Variants in CNGB1 observed in about 807,000 individuals in gnomAD.
CNGB1 encodes the protein cyclic nucleotide-gated channel beta-1.
Under a neutral mutation model 151.7 loss-of-function variants are expected in CNGB1, and 126 were observed. That is an observed-to-expected ratio of 0.83 (90% CI 0.72 to 0.96). CNGB1 has a LOEUF of 0.96. Among genes scored for constraint, CNGB1 ranks in the 40% least tolerant of loss-of-function variants. CNGB1 has a pLI of 0.00. For missense variants in CNGB1, 1,698 were observed against 1,627.0 expected (o/e 1.04, Z -0.75); for synonymous variants, 623 against 635.1 (o/e 0.98, Z 0.29).
Position 57,919,177 on chromosome 16 carries a change from A to G in CNGB1, c.1879T>C (p.Cys627Arg). 1 of 1,614,188 alleles carries G rather than the reference A, an allele frequency of 6.2e-7. No individual in the cohort carries two copies. Among genetic ancestry groups the G allele is most frequent in the Non-Finnish European group, 8.5e-7 (1 of 1,180,014 alleles). ...TTGAACTTGCAGCAGAGCATGTCGC[A>G]ATAGTGCTCCTCTTCCACTGGCTCG... ...EAEPVEEEHYCDMLCCKFKHR... is the reference protein window; with the variant it reads ...EAEPVEEEHYRDMLCCKFKHR... The change falls in exon 20 of 33, where the codon TGC (cysteine) becomes CGC (arginine). Residue 627 changes from cysteine (C) to arginine (R), a missense_variant. Cys to Arg is a radical substitution (Grantham distance 180). Coordinates refer to ENST00000251102, the MANE Select transcript of CNGB1 (RefSeq NM_001297.5).
chr16:57,904,363 G>A (rs1401717053), intron 26 of CNGB1, among the ~76,000 whole-genome samples: 1 of 152,106 alleles, frequency 6.6e-6, no homozygotes, highest in South Asian at 2.1e-4. Context: ...CTCGGGGCGG[G>A]GCCCTTCAAA....
chr16:57,946,492 C>A (rs1417747139), intron 14 of CNGB1: 1 of 152,256 alleles, frequency 6.6e-6, no homozygotes, highest in East Asian at 1.9e-4. Flanking sequence ...GGGAGCCCAG[C>A]TCCCGAGCCA....
intron 21 of CNGB1, 110 bp from the exon 22 acceptor site, chr16:57,916,289 GC>G: frequency 9.5e-7 from 1 of 1,054,630 alleles, no homozygotes; most frequent in Admixed American, 1.8e-5. Context: ...GAGCATAACA[GC>G]CCAAGGACCA....
chr16:57,945,015 GA>G (rs1333472166), intron 14 of CNGB1, among the ~76,000 whole-genome samples: 7 of 147,158 alleles, frequency 4.8e-5, no homozygotes, highest in African/African-American at 5.0e-5. Context: ...AGAGCCTAGG[GA>G]AAAAAAAACT....
chr16:57,951,013 C>T (rs949588846), intron 12 of CNGB1, among the ~76,000 whole-genome samples: 1 of 152,182 alleles, frequency 6.6e-6, no homozygotes, highest in Non-Finnish European at 1.5e-5. Context: ...GGTGACAGCA[C>T]GCCCATACGT....
chr16:57,960,795 C>T (rs759740658), intron 8 of CNGB1, 45 bp downstream of exon 8: 4 of 1,583,958 alleles, frequency 2.5e-6, no homozygotes, highest in African/African-American at 1.3e-5. Context: ...GCCCCAGAAG[C>T]CCCCCCATAT....
Position 57,925,689 on chromosome 16 carries a change from A to T in CNGB1, c.1536-2309T>A, listed in dbSNP as rs60105230. On this transcript the variant is annotated intron_variant, in intron 17 of 32. Coordinates refer to ENST00000251102, the MANE Select transcript of CNGB1 (RefSeq NM_001297.5). ...CTTGGTTTCCCAAGGGAAGTTCATG[A>T]TTACTTTTTTTTTTTTGAGATGGAG... Among the ~76,000 whole-genome samples the T allele has an allele frequency of 3.1e-3, 444 of 141,620 alleles. 1 individual carries two copies. Among genetic ancestry groups the T allele is most frequent in the African/African-American group, 0.012 (417 of 35,960 alleles). 92.9% of individuals were successfully genotyped at this position (141,620 alleles called of 152,430 possible).
intron 16 of CNGB1, among the ~76,000 whole-genome samples, chr16:57,938,118 G>T (rs1961561821): frequency 6.6e-6 from 1 of 152,096 alleles, no homozygotes; most frequent in African/African-American, 2.4e-5. Flanking sequence ...CCATACTTTT[G>T]AGTGCAAATG....
chr16:57,915,897 C>CAAAAAA (rs36093437), intron 22 of CNGB1, among the ~76,000 whole-genome samples: 1 of 103,268 alleles, frequency 9.7e-6, no homozygotes, highest in Non-Finnish European at 2.1e-5. Flanking sequence ...GACCCTGTCT[C>CAAAAAA]AAAAAAAAAA....
At chr16:57,935,290 G>C (rs2149374009) in intron 16 of CNGB1, among the ~76,000 whole-genome samples, 1 of 152,128 alleles carries the variant, frequency 6.6e-6, no homozygotes, top group Middle Eastern at 3.4e-3. Flanking sequence ...AAGCAATGCT[G>C]GTTTTCCATT....
intron 6 of CNGB1, 57 bp downstream of exon 6, chr16:57,962,785 C>A: frequency 6.2e-7 from 1 of 1,604,422 alleles, no homozygotes; most frequent in East Asian, 2.2e-5. Flanking sequence ...CCCATCCCAG[C>A]AGCCCCTCAG....
intron 16 of CNGB1, among the ~76,000 whole-genome samples, chr16:57,935,835 C>T (rs1961494486): frequency 6.6e-6 from 1 of 151,764 alleles, no homozygotes; most frequent in Non-Finnish European, 1.5e-5. Flanking sequence ...GCTTGCCTAC[C>T]AGAAGATGGA....
chr16:57,948,717 C>A (rs1190749365), intron 14 of CNGB1, among the ~76,000 whole-genome samples: 2 of 152,192 alleles, frequency 1.3e-5, no homozygotes, highest in Non-Finnish European at 1.5e-5. Flanking sequence ...CACAGGTGTC[C>A]AACTGCCTGC....
At chr16:57,899,122 G>A (rs1055859157) in intron 29 of CNGB1, among the ~76,000 whole-genome samples, 1 of 152,120 alleles carries the variant, frequency 6.6e-6, no homozygotes, top group African/African-American at 2.4e-5. Context: ...ACAGTGTCCC[G>A]CGGCAGCCTG....
intron 12 of CNGB1, among the ~76,000 whole-genome samples, 165 bp downstream of exon 12, chr16:57,957,176 A>G (rs1006437221): frequency 2.0e-5 from 3 of 151,850 alleles, no homozygotes; most frequent in Non-Finnish European, 4.4e-5. Flanking sequence ...TAGGGCCTGC[A>G]GAGCATGGGG....
intron 17 of CNGB1, among the ~76,000 whole-genome samples, chr16:57,924,391 T>C (rs1961128530): frequency 6.6e-6 from 1 of 151,958 alleles, no homozygotes; most frequent in South Asian, 2.1e-4. Flanking sequence ...ACACAAAGAT[T>C]GTGTCTGGAG....
At position 57,912,921 on chromosome 16, in the gene CNGB1, G is replaced by T. The variant is rs767675883; in HGVS notation, c.2369+9C>A. The T allele has an allele frequency of 1.9e-6, 3 of 1,613,606 alleles. No individual in the cohort carries two copies. The highest frequency in any genetic ancestry group is 2.5e-6 in the Non-Finnish European group (3 of 1,179,680). On this transcript the variant is annotated intron_variant, in intron 24 of 32. Coordinates refer to ENST00000251102, the MANE Select transcript of CNGB1 (RefSeq NM_001297.5). ...GTGTGCATGCATGCACATGCAGGGGGAGTCTCACCTGTACACGTAGGCTTT... is the reference window on the plus strand; with the variant it reads ...GTGTGCATGCATGCACATGCAGGGGTAGTCTCACCTGTACACGTAGGCTTT...
chr16:57,956,173 G>C (rs60885257), intron 12 of CNGB1, among the ~76,000 whole-genome samples: 1 of 152,168 alleles, frequency 6.6e-6, no homozygotes, highest in Non-Finnish European at 1.5e-5. Flanking sequence ...CCAAGGAAAC[G>C]TTTTTAGTTC....
rs376649332 is a variant in CNGB1 at position 57,960,463 on chromosome 16, C to G, written c.583+19G>C. On this transcript the variant is annotated intron_variant, in intron 9 of 32. Coordinates refer to ENST00000251102, the MANE Select transcript of CNGB1 (RefSeq NM_001297.5). ...GTGACCATCCCAGGCAGCCCCCTCC[C>G]GAGCTCCCCTCCCTGTACCTGGGTC... 6.8e-6 allele frequency: 11 copies of G among 1,612,172 alleles called. No homozygotes were observed. The highest frequency in any genetic ancestry group is 9.3e-6 in the Non-Finnish European group (11 of 1,179,210).
Sources: gnomAD v4.1 joint callset for allele counts (sites outside exome capture counted in the v4.1 genomes callset) on GRCh38, gnomAD v4.1.1 for gene constraint, MANE v1.5 for transcripts, NCBI Gene and HGNC (gene_info 2026-07-23, HGNC 2026-07-21) for gene names.